GPC3: variants seen among roughly 807,000 people sequenced by gnomAD.
GPC3 encodes the protein glypican-3.
A neutral mutation model predicts 34.4 loss-of-function variants in GPC3; 3 were observed. That is an observed-to-expected ratio of 0.09 (90% CI 0.04 to 0.23). The LOEUF is 0.23. GPC3 is among the 10% of genes least tolerant of loss of function. The pLI is 1.00. For synonymous variants in GPC3, 177 were observed against 174.0 expected, an observed-to-expected ratio of 1.02 and a Z score of -0.13; for missense variants, 351 against 445.6, an observed-to-expected ratio of 0.79 and a Z score of 1.91.
intron 7 of GPC3, among the ~76,000 whole-genome samples, chrX:133,567,116 T>C (rs2069588766): frequency 1.8e-5 from 2 of 112,048 alleles, no homozygotes; most frequent in Non-Finnish European, 3.8e-5. Context: ...AAAAAAGGCA[T>C]TCTTGTAGAC....
At chrX:133,802,292 T>C (rs1031770236) in intron 2 of GPC3, among the ~76,000 whole-genome samples, 1 of 111,141 alleles carries the variant, frequency 9.0e-6, no homozygotes, top group African/African-American at 3.3e-5. Context: ...CATTCACATA[T>C]ACTCCCCCAT....
Position 133,729,208 on chromosome X carries a change from G to T in GPC3, c.1032+24274C>A, listed in dbSNP as rs184795097. Reference sequence around the variant, plus strand: ...TCCCAGGATCAATGTTAGGTCTCAGGATTTGAGTGGTTTGGTACTGCTCAG... The same window carrying T: ...TCCCAGGATCAATGTTAGGTCTCAGTATTTGAGTGGTTTGGTACTGCTCAG... On this transcript the variant is annotated intron_variant, in intron 3 of 7. Coordinates refer to ENST00000370818, the MANE Select transcript of GPC3 (RefSeq NM_004484.4). 2.6e-4 allele frequency among the ~76,000 whole-genome samples: 29 copies of T among 111,098 alleles called. 1 individual carries two copies. Among genetic ancestry groups the T allele is most frequent in the Admixed American group, 2.4e-3 (25 of 10,443 alleles).
chrX:133,870,882 T>C (rs1349459785), intron 2 of GPC3, among the ~76,000 whole-genome samples: 2 of 112,135 alleles, frequency 1.8e-5, no homozygotes, highest in Non-Finnish European at 3.8e-5. Context: ...TCCACCCCTA[T>C]GGAGTATTTT....
chrX:133,588,045 G>A (rs944270175), intron 7 of GPC3, among the ~76,000 whole-genome samples: 8 of 111,583 alleles, frequency 7.2e-5, no homozygotes, highest in African/African-American at 2.6e-4. Context: ...AGTGGATGAC[G>A]TGGGGTCGCT....
At chrX:133,827,706 CTGGG>C (rs2075754778) in intron 2 of GPC3, among the ~76,000 whole-genome samples, 1 of 110,259 alleles carries the variant, frequency 9.1e-6, no homozygotes, top group Non-Finnish European at 1.9e-5. Context: ...TTGCTTGAAC[CTGGG>C]AGTCAGTGGT....
At chrX:133,753,073 T>A (rs2071682128) in intron 3 of GPC3, among the ~76,000 whole-genome samples, 1 of 112,088 alleles carries the variant, frequency 8.9e-6, no homozygotes, top group Non-Finnish European at 1.9e-5. Context: ...AGGCTTGTCA[T>A]CTATTGTGTA....
chrX:133,971,080 C>T (rs756356996), intron 1 of GPC3, among the ~76,000 whole-genome samples: 56 of 112,093 alleles, frequency 5.0e-4, no homozygotes, highest in Admixed American at 3.6e-3. Context: ...CCCACACTAG[C>T]GCTGTTTCAA....
intron 1 of GPC3, among the ~76,000 whole-genome samples, chrX:133,979,082 T>A (rs2076527927): frequency 8.9e-6 from 1 of 112,479 alleles, no homozygotes; most frequent in African/African-American, 3.2e-5. Context: ...AGCTTTCAGA[T>A]GGCTGGACGG....
intron 7 of GPC3, among the ~76,000 whole-genome samples, chrX:133,594,751 T>C (rs1266475975): frequency 9.0e-6 from 1 of 111,125 alleles, no homozygotes; most frequent in Non-Finnish European, 1.9e-5. Context: ...ACATAGAGTT[T>C]TAGGCACACA....
chrX:133,793,933 G>T (rs1473628283), intron 2 of GPC3, among the ~76,000 whole-genome samples: 1 of 111,355 alleles, frequency 9.0e-6, no homozygotes, highest in Non-Finnish European at 1.9e-5. Context: ...ATTTTCAGTT[G>T]GGCCCCCTGA....
chrX:133,769,091 A>G (rs1249554020), intron 2 of GPC3, among the ~76,000 whole-genome samples: 4 of 112,522 alleles, frequency 3.6e-5, no homozygotes, highest in Non-Finnish European at 5.6e-5. Flanking sequence ...AAAAACATGG[A>G]TAAACCTGGA....
chrX:133,714,633 A>G (rs1480426398), intron 3 of GPC3, among the ~76,000 whole-genome samples: 4 of 111,589 alleles, frequency 3.6e-5, no homozygotes, highest in Non-Finnish European at 7.5e-5. Context: ...TTAATGAATA[A>G]CATATTAATT....
At chrX:133,783,450 T>C (rs2072070155) in intron 2 of GPC3, among the ~76,000 whole-genome samples, 2 of 112,288 alleles carry the variant, frequency 1.8e-5, no homozygotes, top group Admixed American at 9.4e-5. Context: ...ACACTTGATG[T>C]TGACGCACAT....
intron 3 of GPC3, among the ~76,000 whole-genome samples, chrX:133,712,471 A>G (rs1253870437): frequency 8.9e-6 from 1 of 112,014 alleles, no homozygotes; most frequent in Non-Finnish European, 1.9e-5. Flanking sequence ...TAAAAGTCAA[A>G]AGTGTTTGTT....
chrX:133,834,029 T>C (rs2075788693), intron 2 of GPC3, among the ~76,000 whole-genome samples: 1 of 112,177 alleles, frequency 8.9e-6, no homozygotes, highest in Non-Finnish European at 1.9e-5. Context: ...TAAATATATA[T>C]CATGGATATT....
intron 3 of GPC3, among the ~76,000 whole-genome samples, chrX:133,733,125 T>C (rs1487255002): frequency 9.0e-6 from 1 of 111,182 alleles, no homozygotes; most frequent in Non-Finnish European, 1.9e-5. Flanking sequence ...CGAAATAAGA[T>C]CTTTTGCAGC....
chrX:133,909,463 C>A (rs1239339551), intron 2 of GPC3, among the ~76,000 whole-genome samples: 4 of 112,075 alleles, frequency 3.6e-5, no homozygotes, highest in African/African-American at 1.3e-4. Context: ...TTTTCCTCAA[C>A]CCTTATCCAA....
At chrX:133,958,544 CA>C (rs761514189) in intron 1 of GPC3, among the ~76,000 whole-genome samples, 494 of 40,519 alleles carry the variant, frequency 0.012, 5 homozygotes, top group Admixed American at 0.064. Context: ...GACCCAGTCT[CA>C]AAAAAAAAAA....
chrX:133,843,760 C>G (rs550179743), intron 2 of GPC3, among the ~76,000 whole-genome samples: 1 of 111,361 alleles, frequency 9.0e-6, no homozygotes, highest in South Asian at 3.9e-4. Context: ...AAATGGTTAC[C>G]TCTCATGAAT....
Sources: gnomAD v4.1 joint callset for allele counts (sites outside exome capture counted in the v4.1 genomes callset) on GRCh38, gnomAD v4.1.1 for gene constraint, MANE v1.5 for transcripts, NCBI Gene and HGNC (gene_info 2026-07-23, HGNC 2026-07-21) for gene names.